The following ANXA4 variants were observed in gnomAD, a reference collection of about 807,000 sequenced individuals.
ANXA4 encodes annexin A4, also known as 35-beta calcimedin.
Under a neutral mutation model 49.8 loss-of-function variants are expected in ANXA4, and 39 were observed. The ratio of observed to expected loss-of-function variants is 0.78; its 90% CI spans 0.61 to 1.02. The LOEUF is 1.02. ANXA4 is among the 50% of genes least tolerant of loss of function. The pLI, the probability that ANXA4 is intolerant of heterozygous loss-of-function variation, is 0.00. For synonymous variants in ANXA4, 134 were observed against 152.5 expected, an observed-to-expected ratio of 0.88 and a Z score of 0.89; for missense variants, 360 against 410.1, an observed-to-expected ratio of 0.88 and a Z score of 1.05.
chr2:69,653,817 G>A (rs1436473716), intron 2 of ANXA4, among the ~76,000 whole-genome samples: 1 of 152,212 alleles, frequency 6.6e-6, no homozygotes, highest in Non-Finnish European at 1.5e-5. Flanking sequence ...CTAATTCTGT[G>A]AAGAAAGCCA....
At chr2:69,663,417 C>T (rs188993932) in intron 2 of ANXA4, among the ~76,000 whole-genome samples, 31 of 141,950 alleles carry the variant, frequency 2.2e-4, no homozygotes, top group Admixed American at 7.8e-4. Flanking sequence ...ATCCAAAACA[C>T]GCTAACAGAG....
intron 12 of ANXA4, among the ~76,000 whole-genome samples, chr2:69,825,024 G>T (rs373472137): frequency 7.3e-6 from 1 of 136,356 alleles, no homozygotes; most frequent in African/African-American, 2.8e-5. Context: ...TCAAGATGGC[G>T]CCACTGCACT....
intron 1 of ANXA4, among the ~76,000 whole-genome samples, chr2:69,745,383 A>C (rs141407410): frequency 6.6e-6 from 1 of 152,202 alleles, no homozygotes; most frequent in Non-Finnish European, 1.5e-5. Context: ...GATTAAGCTC[A>C]GTTAACTTCT....
At chr2:69,710,146 C>T (rs1183509422) in intron 2 of ANXA4, among the ~76,000 whole-genome samples, 1 of 152,012 alleles carries the variant, frequency 6.6e-6, no homozygotes, top group Non-Finnish European at 1.5e-5. Context: ...TGCCACCACG[C>T]CCGGCTAATT....
intron 1 of ANXA4, among the ~76,000 whole-genome samples, chr2:69,771,513 T>G (rs1164468164): frequency 1.3e-5 from 2 of 152,232 alleles, no homozygotes; most frequent in Non-Finnish European, 2.9e-5. Context: ...TTTACTAGTC[T>G]AATGCTTAGG....
At chr2:69,820,917 A>G (rs756827748) in intron 12 of ANXA4, 96 bp downstream of exon 12, 40 of 1,322,458 alleles carry the variant, frequency 3.0e-5, no homozygotes, top group East Asian at 4.8e-5. Context: ...TTCTTGGCAT[A>G]TATCATTTCC....
At chr2:69,752,400 A>T (rs1412828106) in intron 1 of ANXA4, among the ~76,000 whole-genome samples, 6 of 152,202 alleles carry the variant, frequency 3.9e-5, no homozygotes, top group Non-Finnish European at 7.3e-5. Flanking sequence ...TTCAGATAAA[A>T]TGAAAGTGCT....
At chr2:69,825,038 G>C (rs1674404389) in intron 12 of ANXA4, among the ~76,000 whole-genome samples, 1 of 130,818 alleles carries the variant, frequency 7.6e-6, no homozygotes, top group South Asian at 2.4e-4. Flanking sequence ...CTGCACTCCA[G>C]CCTGGGTGAC....
chr2:69,758,990 G>A (rs1671166701), intron 1 of ANXA4, among the ~76,000 whole-genome samples: 1 of 152,106 alleles, frequency 6.6e-6, no homozygotes, highest in Non-Finnish European at 1.5e-5. Flanking sequence ...CTAAAAATTA[G>A]TTGGGTATGG....
At chr2:69,814,819 T>G (rs1399166027) in intron 8 of ANXA4, 1 of 144,642 alleles carries the variant, frequency 6.9e-6, no homozygotes, top group African/African-American at 2.6e-5. Context: ...AGGATGGAGT[T>G]GGGCAAGTAC....
chr2:69,801,819 G>A (rs1277463633), intron 3 of ANXA4, among the ~76,000 whole-genome samples: 2 of 152,182 alleles, frequency 1.3e-5, no homozygotes, highest in Non-Finnish European at 2.9e-5. Flanking sequence ...CCAGAAGGAG[G>A]TTTTAGGGGT....
At chr2:69,724,282 C>A (rs1182978498) in intron 3 of ANXA4, among the ~76,000 whole-genome samples, 1 of 152,206 alleles carries the variant, frequency 6.6e-6, no homozygotes, top group Non-Finnish European at 1.5e-5. Flanking sequence ...GGAGAAGGTA[C>A]TATTGCTGCC....
At chr2:69,806,946 CA>C in intron 5 of ANXA4, among the ~76,000 whole-genome samples, 2 of 152,192 alleles carry the variant, frequency 1.3e-5, no homozygotes, top group Admixed American at 1.3e-4. Flanking sequence ...CCCCATGACA[CA>C]AGTTTATCTA....
chr2:69,756,194 ATAAAACACCAGTC>A (rs1373980805), intron 1 of ANXA4, among the ~76,000 whole-genome samples: 1 of 152,254 alleles, frequency 6.6e-6, no homozygotes, highest in African/African-American at 2.4e-5. Context: ...GTTTGTAGGA[ATAAAACACCAGTC>A]ACTTGGAAGC....
At chr2:69,778,574 G>A (rs1057494652) in intron 1 of ANXA4, among the ~76,000 whole-genome samples, 2 of 151,784 alleles carry the variant, frequency 1.3e-5, no homozygotes, top group Non-Finnish European at 2.9e-5. Context: ...TCGGGAGTTC[G>A]AGACCAGCCT....
chr2:69,760,649 G>A (rs1671245743), intron 1 of ANXA4, among the ~76,000 whole-genome samples: 1 of 152,036 alleles, frequency 6.6e-6, no homozygotes, highest in Admixed American at 6.6e-5. Flanking sequence ...TTTGACATAG[G>A]TGCATATTAT....
chr2:69,787,606 G>A (rs1672472330), intron 2 of ANXA4, among the ~76,000 whole-genome samples: 1 of 152,034 alleles, frequency 6.6e-6, no homozygotes, highest in South Asian at 2.1e-4. Flanking sequence ...CCCACTCCTT[G>A]CCCACCAACT....
chr2:69,691,673 G>A (rs527448695), intron 2 of ANXA4, among the ~76,000 whole-genome samples: 1 of 152,030 alleles, frequency 6.6e-6, no homozygotes, highest in Non-Finnish European at 1.5e-5. Context: ...AACCCAGAGA[G>A]CTGTGGAACA....
At chr2:69,702,072 C>T (rs1359228866) in intron 2 of ANXA4, among the ~76,000 whole-genome samples, 4 of 151,986 alleles carry the variant, frequency 2.6e-5, no homozygotes, top group Admixed American at 2.0e-4. Context: ...AATGCAGTGG[C>T]GCGATCTCAG....
Sources: allele counts gnomAD v4.1 joint callset (sites outside exome capture counted in the v4.1 genomes callset), GRCh38; gene constraint gnomAD v4.1.1; transcripts MANE v1.5; gene names NCBI Gene and HGNC (gene_info 2026-07-23, HGNC 2026-07-21).